The following ADARB2 variants were observed in gnomAD, a reference collection of about 807,000 sequenced individuals.
ADARB2 encodes inactive double-stranded RNA-specific editase B2.
ADARB2 carries 25 observed loss-of-function variants against 62.2 expected under a neutral mutation model. That is an observed-to-expected ratio of 0.40 (90% CI 0.29 to 0.56). The LOEUF is 0.56. ADARB2 is among the 20% of genes least tolerant of loss of function. ADARB2 has a pLI of 0.43. For synonymous variants in ADARB2, 572 were observed against 500.8 expected (o/e 1.14, Z -1.90); for missense variants, 1,071 against 1,077.4 (o/e 0.99, Z 0.08).
intron 1 of ADARB2, among the ~76,000 whole-genome samples, chr10:1,537,424 A>G (rs7079988): frequency 0.76 from 115,912 of 152,222 alleles, 44,757 homozygotes; most frequent in Non-Finnish European, 0.82. Context: ...AGGATCAAGA[A>G]CCACAAATAC....
chr10:1,431,863 G>A (rs1472956430), intron 1 of ADARB2, among the ~76,000 whole-genome samples: 2 of 152,148 alleles, frequency 1.3e-5, no homozygotes, highest in Admixed American at 6.5e-5. Context: ...GAAATGGCTT[G>A]TAGAAAACCA....
chr10:1,441,354 C>A (rs1830904571), intron 1 of ADARB2, among the ~76,000 whole-genome samples: 1 of 152,190 alleles, frequency 6.6e-6, no homozygotes, highest in Non-Finnish European at 1.5e-5. Context: ...TTAACATAAG[C>A]TTTCTAACAT....
chr10:1,606,332 C>T (rs1236871318), intron 1 of ADARB2, among the ~76,000 whole-genome samples: 1 of 148,942 alleles, frequency 6.7e-6, no homozygotes, highest in Admixed American at 6.8e-5. Context: ...GGGGGAGCAT[C>T]CTGGCTGTGC....
intron 3 of ADARB2, among the ~76,000 whole-genome samples, chr10:1,278,690 G>T (rs4880808): frequency 1.8e-4 from 28 of 151,808 alleles, no homozygotes; most frequent in Admixed American, 4.6e-4. Context: ...GGCCCGAAAG[G>T]TTTCCTATTC....
intron 1 of ADARB2, among the ~76,000 whole-genome samples, chr10:1,432,813 A>C (rs1056022197): frequency 6.6e-6 from 1 of 151,778 alleles, no homozygotes; most frequent in Non-Finnish European, 1.5e-5. Context: ...GTCCTTGGGG[A>C]GATGGTCACC....
intron 1 of ADARB2, among the ~76,000 whole-genome samples, chr10:1,590,697 G>A (rs1338453823): frequency 6.6e-6 from 1 of 152,200 alleles, no homozygotes; most frequent in African/African-American, 2.4e-5. Context: ...TGGTAGCATA[G>A]TCAAACTCAT....
At chr10:1,220,241 TAATG>T (rs1830679525) in intron 6 of ADARB2, among the ~76,000 whole-genome samples, 1 of 142,734 alleles carries the variant, frequency 7.0e-6, no homozygotes, top group Non-Finnish European at 1.5e-5. Flanking sequence ...ATGGTGGTGA[TAATG>T]GTGGTGGTGG....
At chr10:1,465,089 T>C (rs577121534) in intron 1 of ADARB2, among the ~76,000 whole-genome samples, 162 of 152,244 alleles carry the variant, frequency 1.1e-3, no homozygotes, top group African/African-American at 3.7e-3. Flanking sequence ...CTGCCGACAG[T>C]GAAACTCAAG....
At chr10:1,556,547 G>A (rs1832706357) in intron 1 of ADARB2, 3 of 395,514 alleles carry the variant, frequency 7.6e-6, no homozygotes, top group South Asian at 3.9e-5. Flanking sequence ...CTTATTAACT[G>A]GAGATTTCGA....
chr10:1,202,677 T>C (rs1318914368), intron 7 of ADARB2, among the ~76,000 whole-genome samples: 1 of 152,242 alleles, frequency 6.6e-6, no homozygotes, highest in Non-Finnish European at 1.5e-5. Flanking sequence ...CTCCGGGTAC[T>C]GTGGTCCCAG....
At chr10:1,351,466 C>A (rs11528605) in intron 3 of ADARB2, among the ~76,000 whole-genome samples, 141,071 of 151,118 alleles carry the variant, frequency 0.93, 66,534 homozygotes, top group Middle Eastern at 1. Context: ...CTTTTAAGTA[C>A]TCCTTTTAGT....
intron 1 of ADARB2, among the ~76,000 whole-genome samples, chr10:1,618,876 G>A (rs1176207458): frequency 6.6e-6 from 1 of 152,174 alleles, no homozygotes; most frequent in South Asian, 2.1e-4. Context: ...GCCATTTGAA[G>A]AGAAAATTAA....
chr10:1,373,909 A>G (rs111708051), intron 2 of ADARB2, among the ~76,000 whole-genome samples: 88 of 127,210 alleles, frequency 6.9e-4, no homozygotes, highest in Non-Finnish European at 1.0e-3. Flanking sequence ...TTCCTAGTGA[A>G]ACCGCGTGGG....
intron 1 of ADARB2, among the ~76,000 whole-genome samples, chr10:1,716,534 C>T (rs1465456800): frequency 1.3e-5 from 2 of 152,110 alleles, no homozygotes; most frequent in Non-Finnish European, 2.9e-5. Flanking sequence ...TGTATCATTC[C>T]CTCCAAAACA....
intron 4 of ADARB2, among the ~76,000 whole-genome samples, chr10:1,261,554 C>G (rs1398161422): frequency 2.0e-5 from 3 of 150,320 alleles, no homozygotes; most frequent in African/African-American, 7.6e-5. Flanking sequence ...AAAAAATGCT[C>G]ATTATCACTG....
intron 6 of ADARB2, among the ~76,000 whole-genome samples, chr10:1,218,580 T>G (rs1367684128): frequency 6.6e-6 from 1 of 152,180 alleles, no homozygotes; most frequent in Non-Finnish European, 1.5e-5. Flanking sequence ...ATGGCTGGGA[T>G]CCGTGTCCCC....
At chr10:1,384,838 C>T (rs1832512464) in intron 1 of ADARB2, among the ~76,000 whole-genome samples, 1 of 152,142 alleles carries the variant, frequency 6.6e-6, no homozygotes, top group Non-Finnish European at 1.5e-5. Flanking sequence ...CTCAGCCCCA[C>T]ATGAGAAGGA....
chr10:1,421,625 T>C (rs1832853406), intron 1 of ADARB2, among the ~76,000 whole-genome samples: 1 of 152,156 alleles, frequency 6.6e-6, no homozygotes, highest in Non-Finnish European at 1.5e-5. Context: ...AAAATGCACA[T>C]GCTGAGAGTT....
At chr10:1,348,921 C>T (rs768120535) in intron 3 of ADARB2, among the ~76,000 whole-genome samples, 6 of 152,094 alleles carry the variant, frequency 3.9e-5, no homozygotes, top group Non-Finnish European at 5.9e-5. Context: ...CCAGGTGCTG[C>T]GAGAACGATG....
Sources: gnomAD v4.1 joint callset for allele counts (sites outside exome capture counted in the v4.1 genomes callset) on GRCh38, gnomAD v4.1.1 for gene constraint, MANE v1.5 for transcripts, NCBI Gene and HGNC (gene_info 2026-07-23, HGNC 2026-07-21) for gene names.